PSD3: variants seen among roughly 807,000 people sequenced by gnomAD.
PSD3 encodes the protein pleckstrin and Sec7 domain containing 3, also known as PH and SEC7 domain-containing protein 3.
Under a neutral mutation model 105.5 loss-of-function variants are expected in PSD3, and 49 were observed. The ratio of observed to expected loss-of-function variants is 0.46; its 90% CI spans 0.37 to 0.59. PSD3 has a LOEUF of 0.59. Among genes scored for constraint, PSD3 ranks in the 20% least tolerant of loss-of-function variants. PSD3 has a pLI of 0.00. For missense variants in PSD3, 1,561 were observed against 1,263.8 expected, an observed-to-expected ratio of 1.24 and a Z score of -3.57; for synonymous variants, 557 against 457.8, an observed-to-expected ratio of 1.22 and a Z score of -2.77.
chr8:18,686,341 A>G lies in PSD3; in HGVS notation c.2173-30656T>C, dbSNP rs557640387. On this transcript the variant is annotated intron_variant, in intron 9 of 15. Coordinates refer to ENST00000327040, the MANE Select transcript of PSD3 (RefSeq NM_015310.4). ...ATGAGGACGCTATCACAGAGCCAGC[A>G]TGCAGATTCTCGCATGAAGTATACC... 2.0e-5 allele frequency among the ~76,000 whole-genome samples: 3 copies of G among 152,348 alleles called. No homozygotes were observed. In the South Asian group the frequency reaches 6.2e-4, roughly 32 times the overall value.
chr8:18,616,806 G>C (rs887456031), intron 11 of PSD3, among the ~76,000 whole-genome samples: 4 of 151,022 alleles, frequency 2.6e-5, no homozygotes, highest in Admixed American at 6.6e-5. Flanking sequence ...TGTATTTTTA[G>C]TAGAGACGGG....
intron 2 of PSD3, among the ~76,000 whole-genome samples, chr8:18,933,158 G>C (rs1821855444): frequency 6.6e-6 from 1 of 152,106 alleles, no homozygotes; most frequent in African/African-American, 2.4e-5. Flanking sequence ...ATCACACCAG[G>C]AGCAACTACT....
intron 9 of PSD3, among the ~76,000 whole-genome samples, chr8:18,670,172 C>G (rs998103451): frequency 1.3e-5 from 2 of 152,108 alleles, no homozygotes; most frequent in African/African-American, 4.8e-5. Flanking sequence ...CGTGAGTGAC[C>G]GGGAGCAGCC....
chr8:18,532,142 C>A lies in PSD3; in HGVS notation c.*3601G>T, dbSNP rs1432833658. 3 of 152,192 alleles carry A rather than the reference C, an allele frequency of 2.0e-5. No homozygotes were observed. Among genetic ancestry groups the A allele is most frequent in the African/African-American group, 7.2e-5 (3 of 41,458 alleles). 9.4% of individuals were successfully genotyped at this position (152,192 alleles called of 1,614,324 possible). A position where few individuals can be genotyped will look rare whatever the true frequency, so the allele number is the denominator to read the frequency against. On this transcript the variant is annotated 3_prime_UTR_variant, in exon 16 of 16. Coordinates refer to ENST00000327040, the MANE Select transcript of PSD3 (RefSeq NM_015310.4). ...AAAAAGAAAAGAGTGCAGCTCATGA[C>A]AAGCAGGCCCTGCCTCTCATCCTTC...
chr8:18,747,125 G>C (rs535010543), intron 9 of PSD3, among the ~76,000 whole-genome samples: 1 of 152,308 alleles, frequency 6.6e-6, no homozygotes, highest in East Asian at 1.9e-4. Context: ...CGTAAATAAT[G>C]CCCCCACATC....
At chr8:18,810,413 A>C (rs1242737069) in intron 4 of PSD3, among the ~76,000 whole-genome samples, 4 of 152,198 alleles carry the variant, frequency 2.6e-5, no homozygotes, top group Non-Finnish European at 4.4e-5. Flanking sequence ...CATCAGTAGA[A>C]TACTATTGCC....
intron 11 of PSD3, among the ~76,000 whole-genome samples, chr8:18,628,797 A>AATTG (rs150975240): frequency 0.018 from 2,775 of 152,010 alleles, 89 homozygotes; most frequent in African/African-American, 0.063. Context: ...TGCAGCAAAC[A>AATTG]CTAAAATAAT....
At chr8:18,647,738 C>A (rs1331720487) in intron 10 of PSD3, among the ~76,000 whole-genome samples, 1 of 151,082 alleles carries the variant, frequency 6.6e-6, no homozygotes, top group Non-Finnish European at 1.5e-5. Flanking sequence ...GATTGTAATC[C>A]CAAATGTTGA....
At chr8:18,637,193 T>C (rs766084949) in intron 10 of PSD3, among the ~76,000 whole-genome samples, 9 of 152,388 alleles carry the variant, frequency 5.9e-5, no homozygotes, top group African/African-American at 2.2e-4. Flanking sequence ...TACATTTCTT[T>C]TGTCTTACAC....
intron 1 of PSD3, among the ~76,000 whole-genome samples, chr8:18,999,849 A>G (rs1354311474): frequency 6.6e-6 from 1 of 151,714 alleles, no homozygotes; most frequent in Non-Finnish European, 1.5e-5. Flanking sequence ...ATAAATGATA[A>G]TATTTTCTCA....
intron 1 of PSD3, among the ~76,000 whole-genome samples, chr8:18,964,640 T>G (rs1824131198): frequency 6.6e-6 from 1 of 152,140 alleles, no homozygotes; most frequent in Non-Finnish European, 1.5e-5. Context: ...AGGCCTTCCT[T>G]GATCTCCAAA....
intron 8 of PSD3, 37 bp from the exon 9 acceptor site, chr8:18,765,575 C>G: frequency 6.9e-7 from 1 of 1,444,908 alleles, no homozygotes; most frequent in Non-Finnish European, 9.7e-7. Flanking sequence ...CTATGACATT[C>G]ATGGAATTAA....
chr8:18,998,325 C>G (rs566977662), intron 1 of PSD3, among the ~76,000 whole-genome samples: 2 of 152,048 alleles, frequency 1.3e-5, no homozygotes, highest in Non-Finnish European at 2.9e-5. Flanking sequence ...TGAGAGATGC[C>G]CTGAAACACT....
chr8:18,908,589 T>C (rs1424905599), intron 2 of PSD3, among the ~76,000 whole-genome samples: 1 of 152,212 alleles, frequency 6.6e-6, no homozygotes, highest in Non-Finnish European at 1.5e-5. Flanking sequence ...CTGATCCTGA[T>C]CATCTCAAAC....
In PSD3 at chr8:18,612,375, A is replaced by AT. The variant is rs71217390; in HGVS notation, c.2411-11942dup. Among the ~76,000 whole-genome samples the AT allele has an allele frequency of 4.3e-4, 63 of 148,210 alleles. 1 individual carries two copies. Among genetic ancestry groups the AT allele is most frequent in the Middle Eastern group, 3.4e-3 (1 of 292 alleles). On this transcript the variant is annotated intron_variant, in intron 11 of 15. Transcript: ENST00000327040. The stretch of plus-strand genomic sequence containing the variant: ...AACACCGCTTTAACGTTACTGATGC[A>AT]TTTTTTTTTTTCTTTTGAGACGGAG...
rs1389664591 is a variant in PSD3, at chr8:18,987,580, A to G, written c.21+25983T>C. Among the ~76,000 whole-genome samples the G allele has an allele frequency of 7.2e-5, 11 of 152,044 alleles. 1 individual carries two copies. Among genetic ancestry groups the G allele is most frequent in the Admixed American group, 7.2e-4 (11 of 15,260 alleles). ...CTGCCTGTAATCCCAGTACTTTGAAAGGACAAGGCAGAGGATCATTTGAAG... is the reference window on the plus strand; with the variant it reads ...CTGCCTGTAATCCCAGTACTTTGAAGGGACAAGGCAGAGGATCATTTGAAG... On this transcript the variant is annotated intron_variant, in intron 1 of 15. Coordinates refer to ENST00000327040, the MANE Select transcript of PSD3 (RefSeq NM_015310.4).
At chr8:18,788,474 T>C (rs1809394310) in intron 8 of PSD3, among the ~76,000 whole-genome samples, 1 of 152,126 alleles carries the variant, frequency 6.6e-6, no homozygotes, top group African/African-American at 2.4e-5. Context: ...TAACTTAAAA[T>C]CAGCCCTAGG....
At chr8:18,654,162 TAA>T (rs1808720506) in intron 10 of PSD3, among the ~76,000 whole-genome samples, 1 of 152,188 alleles carries the variant, frequency 6.6e-6, no homozygotes, top group Non-Finnish European at 1.5e-5. Context: ...ATGCAAATAT[TAA>T]AGTCTTAACT....
At chr8:18,950,511 A>C (rs958451038) in intron 1 of PSD3, among the ~76,000 whole-genome samples, 1 of 152,118 alleles carries the variant, frequency 6.6e-6, no homozygotes. Flanking sequence ...GAGGCTTTGC[A>C]CCCTCTGGCC....
Sources: allele counts gnomAD v4.1 joint callset (sites outside exome capture counted in the v4.1 genomes callset), GRCh38; gene constraint gnomAD v4.1.1; transcripts MANE v1.5; gene names NCBI Gene and HGNC (gene_info 2026-07-23, HGNC 2026-07-21).